Variants in LOXHD1 observed in about 807,000 individuals in gnomAD.
LOXHD1 encodes lipoxygenase homology domain-containing protein 1.
LOXHD1 carries 205 observed loss-of-function variants against 248.2 expected under a neutral mutation model. That is an observed-to-expected ratio of 0.83 (90% CI 0.74 to 0.93). LOXHD1 has a LOEUF of 0.93. LOXHD1 is among the 40% of genes least tolerant of loss of function. LOXHD1 has a pLI of 0.00. For missense variants in LOXHD1, 2,930 were observed against 2,971.6 expected, an observed-to-expected ratio of 0.99 and a Z score of 0.33; for synonymous variants, 1,113 against 1,162.8, an observed-to-expected ratio of 0.96 and a Z score of 0.87.
intron 2 of LOXHD1, among the ~76,000 whole-genome samples, chr18:46,642,575 C>T (rs1194441398): frequency 6.6e-6 from 1 of 152,240 alleles, no homozygotes; most frequent in Non-Finnish European, 1.5e-5. Context: ...CAACCCCAAA[C>T]CAACAGCCAG....
intron 12 of LOXHD1, among the ~76,000 whole-genome samples, chr18:46,587,834 A>G (rs1208936268): frequency 6.6e-6 from 1 of 152,150 alleles, no homozygotes; most frequent in Non-Finnish European, 1.5e-5. Context: ...AGGTGGAAAT[A>G]AATTGTGAGC....
chr18:46,631,172 G>A (rs2038815995), intron 4 of LOXHD1, among the ~76,000 whole-genome samples: 1 of 152,200 alleles, frequency 6.6e-6, no homozygotes, highest in South Asian at 2.1e-4. Context: ...CAGGTAGATA[G>A]GAGGAGACCG....
At chr18:46,608,108 A>G (rs2038450067) in intron 6 of LOXHD1, among the ~76,000 whole-genome samples, 1 of 123,398 alleles carries the variant, frequency 8.1e-6, no homozygotes, top group African/African-American at 2.9e-5. Context: ...GCAGGCAAAG[A>G]CCCTACTCCT....
intron 6 of LOXHD1, among the ~76,000 whole-genome samples, chr18:46,609,383 G>A: frequency 6.6e-6 from 1 of 152,152 alleles, no homozygotes; most frequent in East Asian, 1.9e-4. Flanking sequence ...TCTGATCCTT[G>A]CAGCCAAATA....
chr18:46,649,314 C>T, intron 1 of LOXHD1, 45 bp from the exon 2 acceptor site: 1 of 1,502,400 alleles, frequency 6.7e-7, no homozygotes, highest in African/African-American at 1.4e-5. Flanking sequence ...CAGAAAAAAA[C>T]CGGAATCCTG....
intron 23 of LOXHD1, among the ~76,000 whole-genome samples, chr18:46,543,081 G>C (rs1174203862): frequency 6.6e-6 from 1 of 152,114 alleles, no homozygotes; most frequent in Non-Finnish European, 1.5e-5. Context: ...ACATGGGTGA[G>C]TTAGTAGTGA....
intron 2 of LOXHD1, among the ~76,000 whole-genome samples, chr18:46,644,155 A>G (rs1465104742): frequency 1.3e-5 from 2 of 152,214 alleles, no homozygotes; most frequent in South Asian, 4.1e-4. Context: ...CCCAGCCTGC[A>G]GGCTGCCTGG....
intron 34 of LOXHD1, among the ~76,000 whole-genome samples, chr18:46,514,082 G>A (rs987216888): frequency 4.6e-5 from 7 of 152,196 alleles, no homozygotes; most frequent in African/African-American, 1.4e-4. Flanking sequence ...ATGAGGTGAT[G>A]GGGAGCTGCA....
intron 21 of LOXHD1, among the ~76,000 whole-genome samples, chr18:46,556,427 G>A (rs1394300772): frequency 6.6e-6 from 1 of 152,152 alleles, no homozygotes; most frequent in East Asian, 1.9e-4. Flanking sequence ...AGAGTTGCTG[G>A]TCTGGGGGAT....
chr18:46,635,602 C>G (rs2038883165), intron 4 of LOXHD1, among the ~76,000 whole-genome samples: 1 of 152,146 alleles, frequency 6.6e-6, no homozygotes, highest in African/African-American at 2.4e-5. Context: ...AGGGTACAGT[C>G]TGCATACCAC....
At chr18:46,564,311 G>T (rs2037593679) in intron 17 of LOXHD1, among the ~76,000 whole-genome samples, 1 of 152,126 alleles carries the variant, frequency 6.6e-6, no homozygotes, top group Admixed American at 6.5e-5. Flanking sequence ...ATTGCTTGAG[G>T]CCAGGAGTTC....
intron 21 of LOXHD1, chr18:46,555,344 G>A (rs1161315225): frequency 2.7e-6 from 1 of 369,430 alleles, no homozygotes; most frequent in Non-Finnish European, 5.5e-6. Flanking sequence ...TCTGGCAGAG[G>A]TCAGACTCCA....
chr18:46,530,452 T>A (rs376420101), intron 28 of LOXHD1, among the ~76,000 whole-genome samples: 16 of 152,130 alleles, frequency 1.1e-4, no homozygotes, highest in African/African-American at 3.9e-4. Flanking sequence ...CCCAGAGAAA[T>A]GATACTTGTG....
chr18:46,655,368 T>C (rs540322497), intron 1 of LOXHD1, among the ~76,000 whole-genome samples: 20 of 152,258 alleles, frequency 1.3e-4, no homozygotes, highest in African/African-American at 4.8e-4. Context: ...GAACGATCAT[T>C]ATGGCCACAC....
intron 38 of LOXHD1, among the ~76,000 whole-genome samples, chr18:46,487,443 T>C (rs1470060437): frequency 6.6e-6 from 1 of 152,230 alleles, no homozygotes; most frequent in Non-Finnish European, 1.5e-5. Flanking sequence ...TACAGGGGCA[T>C]GTGACGGCCA....
chr18:46,628,330 G>A (rs993184249), intron 4 of LOXHD1, among the ~76,000 whole-genome samples: 1 of 152,204 alleles, frequency 6.6e-6, no homozygotes, highest in Non-Finnish European at 1.5e-5. Context: ...GGGAGCTGCT[G>A]TGAGCTTCAG....
At chr18:46,609,887 G>C (rs1303229613) in intron 6 of LOXHD1, among the ~76,000 whole-genome samples, 4 of 152,222 alleles carry the variant, frequency 2.6e-5, no homozygotes, top group African/African-American at 9.6e-5. Context: ...AGGCCAGATA[G>C]AGCCAGGGAC....
chr18:46,499,932 G>A (rs1457708152), intron 37 of LOXHD1, among the ~76,000 whole-genome samples: 1 of 152,012 alleles, frequency 6.6e-6, no homozygotes, highest in Non-Finnish European at 1.5e-5. Flanking sequence ...ATTTATGTCC[G>A]GGAAACTATG....
chr18:46,545,636 TTTTTTTTTTTTGAGACGGAGTCTCGC>T (rs1361535721), intron 22 of LOXHD1, among the ~76,000 whole-genome samples: 3 of 126,264 alleles, frequency 2.4e-5, no homozygotes, highest in African/African-American at 6.8e-5. Flanking sequence ...TCTTTTTTTT[TTTTTTTTTTTTGAGACGGAGTCTCGC>T]TCTGTCGCCC....
Sources: gnomAD v4.1 joint callset for allele counts (sites outside exome capture counted in the v4.1 genomes callset) on GRCh38, gnomAD v4.1.1 for gene constraint, MANE v1.5 for transcripts, NCBI Gene and HGNC (gene_info 2026-07-23, HGNC 2026-07-21) for gene names.